The following PCSK4 variants were observed in gnomAD, a reference collection of about 807,000 sequenced individuals.
PCSK4 encodes the protein proprotein convertase subtilisin/kexin type 4.
A neutral mutation model predicts 80.3 loss-of-function variants in PCSK4; 64 were observed. That is an observed-to-expected ratio of 0.80 (90% CI 0.65 to 0.98). The LOEUF is 0.98. Ranked by LOEUF, PCSK4 falls within the 50% of genes least tolerant of loss-of-function variation. The pLI, the probability that PCSK4 is intolerant of heterozygous loss-of-function variation, is 0.00. For synonymous variants in PCSK4, 561 were observed against 487.6 expected, an observed-to-expected ratio of 1.15 and a Z score of -1.98; for missense variants, 1,213 against 1,093.6, an observed-to-expected ratio of 1.11 and a Z score of -1.54.
upstream of PCSK4, chr19:1,490,578 C>T (rs2084898289): frequency 2.1e-6 from 1 of 478,560 alleles, no homozygotes; most frequent in Non-Finnish European, 3.7e-6. Flanking sequence ...CTCAGTTTTC[C>T]CATTTGTACA....
intron 7 of PCSK4, 24 bp from the exon 8 acceptor site, chr19:1,487,089 AG>A: frequency 6.2e-7 from 1 of 1,601,622 alleles, no homozygotes; most frequent in Non-Finnish European, 8.5e-7. Context: ...AGGGGCGGGG[AG>A]GGGGCGTCGG....
exon 7 of PCSK4, chr19:1,487,151 C>G: frequency 1.2e-6 from 2 of 1,605,564 alleles, no homozygotes; most frequent in Non-Finnish European, 1.7e-6. Context: ...CTTGGTCACA[C>G]CACGCCGGAA....
intron 10 of PCSK4, 21 bp downstream of exon 10, chr19:1,483,817 C>A: frequency 6.7e-7 from 1 of 1,483,116 alleles, no homozygotes. Flanking sequence ...GGGTCCCCGC[C>A]CCCGCCCGGC....
At chr19:1,489,769 G>A in intron 2 of PCSK4, 24 bp downstream of exon 2, 1 of 1,594,242 alleles carries the variant, frequency 6.3e-7, no homozygotes, top group Non-Finnish European at 8.5e-7. Flanking sequence ...CCGGGCAGGG[G>A]GTTGGCCTCC....
intron 4 of PCSK4, 46 bp downstream of exon 4, chr19:1,487,918 C>G: frequency 1.3e-6 from 2 of 1,585,612 alleles, no homozygotes; most frequent in Middle Eastern, 1.7e-4. Flanking sequence ...TGGTGCCAGC[C>G]TCGGCACCTG....
chr19:1,487,627 C>T (rs753682026), exon 6 of PCSK4: 2 of 1,553,262 alleles, frequency 1.3e-6, no homozygotes, highest in African/African-American at 1.4e-5. Flanking sequence ...TTGAAAGCGA[C>T]CCCCACACCA....
exon 15 of PCSK4, chr19:1,482,070 G>T: frequency 6.4e-7 from 1 of 1,554,172 alleles, no homozygotes. Context: ...CAGGAGGCAT[G>T]GCAGCTGGAG....
chr19:1,486,201 T>G (rs1482839735), intron 8 of PCSK4, among the ~76,000 whole-genome samples: 2 of 151,758 alleles, frequency 1.3e-5, no homozygotes, highest in Non-Finnish European at 2.9e-5. Context: ...GGTCCTGAAC[T>G]CTTGACCTCA....
intron 13 of PCSK4, chr19:1,482,694 C>G (rs2145322181): frequency 1.3e-6 from 1 of 755,696 alleles, no homozygotes; most frequent in East Asian, 2.7e-5. Flanking sequence ...GCACCTACAT[C>G]TCCCGTGTTA....
At chr19:1,487,018 G>A (rs370729908) in exon 8 of PCSK4, 120 of 1,608,426 alleles carry the variant, frequency 7.5e-5, no homozygotes, top group Non-Finnish European at 9.6e-5. Flanking sequence ...AGTGCAGGCC[G>A]CCGTTGCCCG....
At chr19:1,487,425 G>T in intron 6 of PCSK4, 112 bp from the exon 7 acceptor site, 1 of 1,038,974 alleles carries the variant, frequency 9.6e-7, no homozygotes, top group Non-Finnish European at 1.4e-6. Context: ...CCCTCTCTCT[G>T]CTCCCTGGAG....
intron 8 of PCSK4, among the ~76,000 whole-genome samples, chr19:1,485,715 CA>C (rs1188098380): frequency 6.7e-6 from 1 of 149,658 alleles, no homozygotes; most frequent in Non-Finnish European, 1.5e-5. Flanking sequence ...ACTGAAAATA[CA>C]AAAAATTAGC....
exon 15 of PCSK4, chr19:1,482,078 G>C (rs1267844000): frequency 6.4e-7 from 1 of 1,553,700 alleles, no homozygotes; most frequent in South Asian, 1.2e-5. Context: ...ATGGCAGCTG[G>C]AGCAGACCCT....
chr19:1,486,442 GC>G (rs1353201040), intron 8 of PCSK4, among the ~76,000 whole-genome samples: 6 of 151,944 alleles, frequency 3.9e-5, no homozygotes, highest in African/African-American at 1.2e-4. Context: ...GACTACAGGC[GC>G]CCACCACCAC....
At chr19:1,484,029 G>A (rs1271300029) in exon 9 of PCSK4, 9 of 1,542,306 alleles carry the variant, frequency 5.8e-6, no homozygotes, top group African/African-American at 2.7e-5. Flanking sequence ...TCACCTACTT[G>A]GCCTCCAGCG....
chr19:1,487,126 C>G lies in PCSK4; in HGVS notation c.855+15G>C. ...CCTGGCCTGCCACCCCTGCCCTCCT[C>G]GGGCTGCCACTCACCTTGGTCACAC... On this transcript the variant is annotated intron_variant, in intron 7 of 14. Transcript: ENST00000300954. 1 of 1,602,790 alleles carries G rather than the reference C, an allele frequency of 6.2e-7. No homozygotes were observed. Among genetic ancestry groups the G allele is most frequent in the South Asian group, 1.1e-5 (1 of 90,918 alleles).
intron 3 of PCSK4, 46 bp downstream of exon 3, chr19:1,488,142 C>G: frequency 6.2e-7 from 1 of 1,613,032 alleles, no homozygotes; most frequent in Non-Finnish European, 8.5e-7. Context: ...GAGTTGAGGG[C>G]GCCAGCGGCC....
chr19:1,487,730 C>G, intron 5 of PCSK4, 39 bp from the exon 6 acceptor site: 1 of 1,548,002 alleles, frequency 6.5e-7, no homozygotes, highest in Non-Finnish European at 8.7e-7. Flanking sequence ...TCACGGCCTC[C>G]ATCCCCCTGC....
intron 2 of PCSK4, 45 bp from the exon 3 acceptor site, chr19:1,488,325 G>A (rs1222307069): frequency 2.0e-6 from 3 of 1,512,068 alleles, no homozygotes; most frequent in Non-Finnish European, 1.8e-6. Flanking sequence ...GCTCGCCCCT[G>A]GGGCCCCTCG....
Sources: gnomAD v4.1 joint callset for allele counts (sites outside exome capture counted in the v4.1 genomes callset) on GRCh38, gnomAD v4.1.1 for gene constraint, MANE v1.5 for transcripts, NCBI Gene and HGNC (gene_info 2026-07-23, HGNC 2026-07-21) for gene names.